POLN: variants seen among roughly 807,000 people sequenced by gnomAD.
POLN encodes the protein DNA polymerase nu, also known as DNA polymerase N.
In POLN, 108 loss-of-function variants were observed where a neutral mutation model predicts 113.5. The ratio of observed to expected loss-of-function variants is 0.95; its 90% confidence interval spans 0.81 to 1.12. The LOEUF is 1.12. Among genes scored for constraint, POLN ranks in the 50% most tolerant of loss-of-function variants. POLN has a pLI of 0.00. For missense variants in POLN, 1,097 were observed against 1,077.1 expected, an observed-to-expected ratio of 1.02 and a Z score of -0.26; for synonymous variants, 386 against 391.5, an observed-to-expected ratio of 0.99 and a Z score of 0.17.
chr4:2,232,098 A>G, intron 2 of POLN: 2 of 1,603,188 alleles, frequency 1.2e-6, no homozygotes, highest in Non-Finnish European at 1.7e-6. Context: ...CAAGAATATC[A>G]GTGAGGAGAT....
intron 3 of POLN, among the ~76,000 whole-genome samples, chr4:2,224,834 C>T (rs1423122119): frequency 6.6e-6 from 1 of 152,002 alleles, no homozygotes; most frequent in Non-Finnish European, 1.5e-5. Flanking sequence ...ACCTGTAATG[C>T]CAGCTACTCA....
intron 5 of POLN, among the ~76,000 whole-genome samples, chr4:2,200,820 A>C (rs1360553329): frequency 6.6e-6 from 1 of 152,194 alleles, no homozygotes; most frequent in African/African-American, 2.4e-5. Flanking sequence ...CAGCATGCCC[A>C]AAAAATCATA....
chr4:2,131,174 C>T, intron 17 of POLN, 59 bp downstream of exon 17: 1 of 1,235,478 alleles, frequency 8.1e-7, no homozygotes, highest in Non-Finnish European at 1.2e-6. Flanking sequence ...GACAGAGTGA[C>T]ACCCTATCTC....
At position 2,197,393 on chromosome 4, in the gene POLN, GT is replaced by G. The variant is rs377525593; in HGVS notation, c.908+1130del. 2.1e-3 allele frequency among the ~76,000 whole-genome samples: 316 copies of G among 152,310 alleles called. 1 individual carries two copies. The highest frequency in any genetic ancestry group is 7.1e-3 in the African/African-American group (297 of 41,572). ...TAGGACTTGCTGAGAGCTTGATATG[GT>G]TTGTGGAAAGTAGAGAGAAGTCAGA... is the stretch of plus-strand genomic sequence containing the variant. On this transcript the variant is annotated intron_variant, in intron 6 of 25. Coordinates refer to ENST00000511885, the MANE Select transcript of POLN (RefSeq NM_181808.4).
At chr4:2,240,169 G>A (rs760105688) in intron 2 of POLN, 32 of 1,613,870 alleles carry the variant, frequency 2.0e-5, no homozygotes, top group Non-Finnish European at 2.6e-5. Flanking sequence ...GCCATCTCTA[G>A]TCGTCTCTCC....
intron 16 of POLN, among the ~76,000 whole-genome samples, chr4:2,146,214 T>C (rs981033176): frequency 6.6e-6 from 1 of 152,088 alleles, no homozygotes; most frequent in African/African-American, 2.4e-5. Context: ...GCTTTAAATG[T>C]TGTCAAGTAG....
At chr4:2,195,118 A>G (rs1733542863) in intron 6 of POLN, among the ~76,000 whole-genome samples, 1 of 152,126 alleles carries the variant, frequency 6.6e-6, no homozygotes, top group African/African-American at 2.4e-5. Flanking sequence ...TTTTGTGCAA[A>G]AAAGTATGTG....
At chr4:2,077,826 G>C (rs1230293174) in intron 23 of POLN, among the ~76,000 whole-genome samples, 1 of 152,230 alleles carries the variant, frequency 6.6e-6, no homozygotes, top group Middle Eastern at 3.2e-3. Flanking sequence ...TGGGAAATGG[G>C]GCACAGGTGA....
chr4:2,195,970 T>C (rs1380251555), intron 6 of POLN, among the ~76,000 whole-genome samples: 1 of 152,096 alleles, frequency 6.6e-6, no homozygotes, highest in Non-Finnish European at 1.5e-5. Context: ...GAGAAGTTTA[T>C]AAGGAAGGGA....
At chr4:2,131,886 T>C (rs1731735995) in intron 16 of POLN, among the ~76,000 whole-genome samples, 1 of 152,220 alleles carries the variant, frequency 6.6e-6, no homozygotes, top group African/African-American at 2.4e-5. Context: ...ACTATTCAAA[T>C]CATGAGAATT....
At chr4:2,179,073 G>T (rs991959247) in intron 8 of POLN, among the ~76,000 whole-genome samples, 1 of 152,226 alleles carries the variant, frequency 6.6e-6, no homozygotes. Flanking sequence ...TCATCTGGAA[G>T]AGTCACACTA....
At chr4:2,134,048 T>C (rs776727841) in intron 16 of POLN, among the ~76,000 whole-genome samples, 3 of 152,216 alleles carry the variant, frequency 2.0e-5, no homozygotes, top group South Asian at 4.1e-4. Flanking sequence ...AAACCACTCA[T>C]CTGTTTACTG....
intron 13 of POLN, among the ~76,000 whole-genome samples, chr4:2,169,222 G>C (rs1732801670): frequency 3.3e-5 from 5 of 152,322 alleles, no homozygotes; most frequent in South Asian, 4.1e-4. Context: ...CTGCAGCTCA[G>C]ATTTGATGCT....
chr4:2,192,046 T>C (rs554267), intron 7 of POLN, among the ~76,000 whole-genome samples: 81,945 of 148,170 alleles, frequency 0.55, 22,877 homozygotes, highest in Admixed American at 0.64. Flanking sequence ...ACCAGGGAGA[T>C]AGAGGTTGCA....
intron 13 of POLN, among the ~76,000 whole-genome samples, chr4:2,162,715 C>T (rs1732629928): frequency 6.6e-6 from 1 of 152,074 alleles, no homozygotes; most frequent in Admixed American, 6.5e-5. Flanking sequence ...CCTTGGCCTC[C>T]CAAAGTGCTG....
In POLN at chr4:2,215,041, C is replaced by A. The variant is rs540865427; in HGVS notation, c.134-1915G>T. 2.6e-5 allele frequency among the ~76,000 whole-genome samples: 4 copies of A among 152,238 alleles called. No homozygotes were observed. In the East Asian group the frequency reaches 7.7e-4, roughly 29 times the overall value. On this transcript the variant is annotated intron_variant, in intron 3 of 25. Coordinates refer to ENST00000511885, the MANE Select transcript of POLN (RefSeq NM_181808.4). ...TAATCTCTAACCAAATAATCTCACT[C>A]TTGGCTGTTTCACAGAAATATATGC... is the stretch of plus-strand genomic sequence containing the variant.
chr4:2,114,400 T>C (rs1731270169), intron 19 of POLN, among the ~76,000 whole-genome samples: 2 of 152,222 alleles, frequency 1.3e-5, no homozygotes, highest in African/African-American at 4.8e-5. Context: ...GAACCTCTTT[T>C]ACCATTTCTA....
At chr4:2,129,444 A>G (rs1731666960) in intron 17 of POLN, among the ~76,000 whole-genome samples, 188 bp from the exon 18 acceptor site, 1 of 152,182 alleles carries the variant, frequency 6.6e-6, no homozygotes, top group African/African-American at 2.4e-5. Context: ...GCTGGAGTGC[A>G]GTGGCACAAT....
rs1188146094 is a variant in POLN at position 2,200,892 on chromosome 4, C to T, written c.715-2175G>A. Among the ~76,000 whole-genome samples the T allele has an allele frequency of 2.0e-5, 3 of 152,076 alleles. No homozygotes were observed. In the South Asian group the frequency reaches 6.2e-4, roughly 32 times the overall value. On this transcript the variant is annotated intron_variant, in intron 5 of 25. Coordinates refer to ENST00000511885, the MANE Select transcript of POLN (RefSeq NM_181808.4). ...TCCCTGATTTACCTGAAAAAGAATT[C>T]AGAAGGTTAGTTATTAAGTTAATCA...
Sources: gnomAD v4.1 joint callset for allele counts (sites outside exome capture counted in the v4.1 genomes callset) on GRCh38, gnomAD v4.1.1 for gene constraint, MANE v1.5 for transcripts, NCBI Gene and HGNC (gene_info 2026-07-23, HGNC 2026-07-21) for gene names.